The following ITPR2 variants were observed in gnomAD, a reference collection of about 807,000 sequenced individuals.
The protein encoded by ITPR2 is inositol 1,4,5-trisphosphate receptor type 2.
A neutral mutation model predicts 317.1 loss-of-function variants in ITPR2; 207 were observed. The observed-to-expected ratio is 0.65, with a 90% CI of 0.58 to 0.73. The LOEUF is 0.73. Among genes scored for constraint, ITPR2 ranks in the 30% least tolerant of loss-of-function variants. ITPR2 has a pLI of 0.00. For missense variants in ITPR2, 2,613 were observed against 3,284.0 expected, an observed-to-expected ratio of 0.80 and a Z score of 4.99; for synonymous variants, 1,156 against 1,149.1, an observed-to-expected ratio of 1.01 and a Z score of -0.12.
chr12:26,780,091 A>G (rs554362115), intron 2 of ITPR2, among the ~76,000 whole-genome samples: 1 of 152,288 alleles, frequency 6.6e-6, no homozygotes, highest in East Asian at 1.9e-4. Flanking sequence ...TGGGCCCATG[A>G]ACAAAGTGGC....
chr12:26,584,102 A>G (rs1230670791), intron 32 of ITPR2, among the ~76,000 whole-genome samples: 1 of 152,198 alleles, frequency 6.6e-6, no homozygotes, highest in Non-Finnish European at 1.5e-5. Context: ...ATTAATAAAT[A>G]TATAACATGC....
At chr12:26,431,421 T>C (rs1350838098) in intron 48 of ITPR2, among the ~76,000 whole-genome samples, 1 of 152,096 alleles carries the variant, frequency 6.6e-6, no homozygotes, top group Non-Finnish European at 1.5e-5. Flanking sequence ...CCGCAACCAG[T>C]GTAGCCTCAT....
At chr12:26,535,225 C>A (rs771436757) in intron 37 of ITPR2, among the ~76,000 whole-genome samples, 21 of 152,164 alleles carry the variant, frequency 1.4e-4, no homozygotes, top group Non-Finnish European at 2.9e-4. Flanking sequence ...TGCTGAATTA[C>A]TTATCCCTAG....
At chr12:26,447,670 A>C (rs1941640538) in intron 45 of ITPR2, among the ~76,000 whole-genome samples, 1 of 152,046 alleles carries the variant, frequency 6.6e-6, no homozygotes, top group South Asian at 2.1e-4. Context: ...AAGCAAGGAT[A>C]GCATTCCTAT....
chr12:26,605,772 C>A (rs1946116047), intron 26 of ITPR2, among the ~76,000 whole-genome samples: 1 of 152,120 alleles, frequency 6.6e-6, no homozygotes, highest in South Asian at 2.1e-4. Flanking sequence ...TTTAAAATTG[C>A]TAGCAGTCAA....
At chr12:26,342,510 GGGGC>G in intron 55 of ITPR2, among the ~76,000 whole-genome samples, 5 of 71,666 alleles carry the variant, frequency 7.0e-5, no homozygotes, top group African/African-American at 9.7e-5. Flanking sequence ...GGGGGGGGGG[GGGGC>G]GGGGGTCAGA....
chr12:26,411,094 T>C, intron 52 of ITPR2: 1 of 474,760 alleles, frequency 2.1e-6, no homozygotes, highest in East Asian at 3.7e-5. Flanking sequence ...GTAAATGTGC[T>C]AAATCCTCCT....
At chr12:26,479,753 A>G (rs1440671471) in intron 43 of ITPR2, among the ~76,000 whole-genome samples, 3 of 152,150 alleles carry the variant, frequency 2.0e-5, no homozygotes, top group Non-Finnish European at 2.9e-5. Flanking sequence ...GAAAACATGA[A>G]AAAATACAAA....
At chr12:26,733,298 A>G (rs1477680354) in intron 2 of ITPR2, among the ~76,000 whole-genome samples, 2 of 148,704 alleles carry the variant, frequency 1.3e-5, no homozygotes, top group Non-Finnish European at 3.0e-5. Flanking sequence ...TAGGTGACAG[A>G]GCAAGACTCC....
chr12:26,426,899 TTAAA>T (rs2136700934), intron 49 of ITPR2, among the ~76,000 whole-genome samples: 1 of 151,238 alleles, frequency 6.6e-6, no homozygotes, highest in South Asian at 2.1e-4. Flanking sequence ...TTGCTAAATA[TTAAA>T]TATTTATTAC....
rs57671795 is a variant in ITPR2, at chr12:26,591,996, T to A, written c.4380+3469A>T. ...ACAATAGCCAAAATTTGGAAGCACC[T>A]TAAGTGCCCATCAACAGATGAATGG... On this transcript the variant is annotated intron_variant, in intron 32 of 56. Transcript: ENST00000381340. Among the ~76,000 whole-genome samples, 1,077 of 152,360 alleles carry A rather than the reference T, an allele frequency of 7.1e-3. 13 individuals carry two copies. The highest frequency in any genetic ancestry group is 0.024 in the African/African-American group (1,014 of 41,586).
At chr12:26,733,528 T>G (rs1279823240) in intron 2 of ITPR2, among the ~76,000 whole-genome samples, 1 of 152,144 alleles carries the variant, frequency 6.6e-6, no homozygotes, top group African/African-American at 2.4e-5. Context: ...ATATACTATG[T>G]GTATATATAA....
At chr12:26,693,374 T>A (rs1948275913) in intron 10 of ITPR2, among the ~76,000 whole-genome samples, 1 of 152,158 alleles carries the variant, frequency 6.6e-6, no homozygotes, top group Admixed American at 6.5e-5. Flanking sequence ...GGATATATGA[T>A]CATTTATACA....
At chr12:26,716,792 T>C (rs1193358038) in intron 5 of ITPR2, among the ~76,000 whole-genome samples, 2 of 152,192 alleles carry the variant, frequency 1.3e-5, no homozygotes, top group Non-Finnish European at 2.9e-5. Flanking sequence ...AAATATGTTT[T>C]GTGTTTGAGC....
At chr12:26,803,132 CTA>C (rs924972157) in intron 1 of ITPR2, among the ~76,000 whole-genome samples, 5 of 152,090 alleles carry the variant, frequency 3.3e-5, no homozygotes, top group Admixed American at 1.3e-4. Context: ...TTATGTTTAA[CTA>C]AAAACCCCAC....
Position 26,475,423 on chromosome 12 carries a change from C to CT in ITPR2, c.6220-6_6220-5insA. ...GGCATTCTTCATCACATCCACCTAT[C>CT]CAAAAAAAAAAAGAATATTGAAATG... On this transcript the variant is annotated splice_region_variant and splice_polypyrimidine_tract_variant and intron_variant, in intron 44 of 56. Transcript: ENST00000381340. 1 of 1,592,072 alleles carries CT rather than the reference C, an allele frequency of 6.3e-7. No homozygotes were observed.
intron 54 of ITPR2, among the ~76,000 whole-genome samples, chr12:26,391,544 C>T (rs1308169958): frequency 1.8e-5 from 2 of 108,924 alleles, no homozygotes; most frequent in African/African-American, 6.7e-5. Context: ...TCTTCTTCTT[C>T]TTCTTCTTTT....
At chr12:26,779,055 G>A (rs1329035456) in intron 2 of ITPR2, among the ~76,000 whole-genome samples, 1 of 152,224 alleles carries the variant, frequency 6.6e-6, no homozygotes, top group African/African-American at 2.4e-5. Context: ...GTCCAGAACA[G>A]CAGAAAGCTC....
intron 37 of ITPR2, among the ~76,000 whole-genome samples, chr12:26,528,960 T>C (rs1179866609): frequency 2.0e-5 from 3 of 152,160 alleles, no homozygotes; most frequent in African/African-American, 4.8e-5. Flanking sequence ...TTATTGCACA[T>C]TCAGCCTCAC....
Sources: gnomAD v4.1 joint callset for allele counts (sites outside exome capture counted in the v4.1 genomes callset) on GRCh38, gnomAD v4.1.1 for gene constraint, MANE v1.5 for transcripts, NCBI Gene and HGNC (gene_info 2026-07-23, HGNC 2026-07-21) for gene names.